Variants in STXBP5L observed in about 807,000 individuals in gnomAD.
STXBP5L encodes the protein syntaxin binding protein 5L.
A neutral mutation model predicts 144.5 loss-of-function variants in STXBP5L; 65 were observed. The observed-to-expected ratio is 0.45, with a 90% CI of 0.37 to 0.55. The LOEUF (loss-of-function observed/expected upper bound fraction) is 0.55, where lower values mean the gene tolerates loss of function less well. Ranked by LOEUF, STXBP5L falls within the 20% of genes least tolerant of loss-of-function variation. The pLI is 0.00. For missense variants in STXBP5L, 1,298 were observed against 1,405.5 expected, an observed-to-expected ratio of 0.92 and a Z score of 1.22; for synonymous variants, 505 against 469.6, an observed-to-expected ratio of 1.08 and a Z score of -0.97.
intron 3 of STXBP5L, among the ~76,000 whole-genome samples, chr3:121,025,781 C>T (rs576618501): frequency 6.6e-6 from 1 of 150,872 alleles, no homozygotes; most frequent in Non-Finnish European, 1.5e-5. Context: ...AAACATCCTA[C>T]TAAAACCAGC....
chr3:120,911,016 C>CT (rs1708806375), intron 2 of STXBP5L, among the ~76,000 whole-genome samples: 1 of 152,020 alleles, frequency 6.6e-6, no homozygotes, highest in African/African-American at 2.4e-5. Context: ...ATTTGAACTG[C>CT]TAGGCAGGGG....
intron 25 of STXBP5L, 141 bp from the exon 26 acceptor site, chr3:121,418,196 T>C: frequency 1.0e-6 from 1 of 955,712 alleles, no homozygotes; most frequent in East Asian, 2.7e-5. Flanking sequence ...TCCAAATACA[T>C]ATATGACTGG....
chr3:121,060,260 G>A (rs1039835844), intron 5 of STXBP5L, among the ~76,000 whole-genome samples: 1 of 152,100 alleles, frequency 6.6e-6, no homozygotes, highest in Non-Finnish European at 1.5e-5. Context: ...TTCTGTTTAT[G>A]TGATGGATTA....
chr3:121,207,228 G>T (rs553685723), intron 10 of STXBP5L, among the ~76,000 whole-genome samples: 95 of 152,156 alleles, frequency 6.2e-4, no homozygotes, highest in Non-Finnish European at 8.8e-4. Flanking sequence ...ACAAGAAATG[G>T]GGAAAGGATT....
At chr3:121,129,959 T>G (rs958248861) in intron 7 of STXBP5L, among the ~76,000 whole-genome samples, 2 of 152,124 alleles carry the variant, frequency 1.3e-5, no homozygotes, top group Admixed American at 1.3e-4. Flanking sequence ...GCAATTTTAC[T>G]TCCCCTAAGA....
chr3:120,966,037 A>G (rs1453746278), intron 3 of STXBP5L, among the ~76,000 whole-genome samples: 2 of 151,900 alleles, frequency 1.3e-5, no homozygotes, highest in Non-Finnish European at 2.9e-5. Flanking sequence ...TTGATCTTCC[A>G]TCACTGATAC....
chr3:121,090,399 T>C (rs550730926), intron 5 of STXBP5L, among the ~76,000 whole-genome samples: 1 of 152,194 alleles, frequency 6.6e-6, no homozygotes, highest in Admixed American at 6.5e-5. Context: ...AGAATAAGAG[T>C]ACCTCCTTAC....
At chr3:121,041,145 T>C (rs375012226) in intron 3 of STXBP5L, among the ~76,000 whole-genome samples, 391 of 152,030 alleles carry the variant, frequency 2.6e-3, no homozygotes, top group Non-Finnish European at 3.9e-3. Context: ...AGATGACTTG[T>C]TACCATTTAT....
intron 20 of STXBP5L, among the ~76,000 whole-genome samples, chr3:121,347,642 C>G (rs142485750): frequency 0.013 from 2,032 of 152,100 alleles, 26 homozygotes; most frequent in Non-Finnish European, 0.017. Context: ...CTTGAGCAGT[C>G]ATTTGTAGTT....
At chr3:121,352,284 A>G (rs2045321003) in intron 20 of STXBP5L, among the ~76,000 whole-genome samples, 2 of 152,210 alleles carry the variant, frequency 1.3e-5, no homozygotes, top group South Asian at 4.1e-4. Flanking sequence ...CAGTATGGCC[A>G]TTTTCACGAT....
At chr3:121,388,618 G>A (rs1487064707) in intron 22 of STXBP5L, among the ~76,000 whole-genome samples, 1 of 152,160 alleles carries the variant, frequency 6.6e-6, no homozygotes, top group African/African-American at 2.4e-5. Flanking sequence ...GTTGAATTTT[G>A]TTGAAGGCCT....
In STXBP5L at chr3:121,069,827, C is replaced by A. The variant is rs72970628; in HGVS notation, c.470+24292C>A. ...TTCTTCTACTATGGATGTCCAATTG[C>A]TCCAGCAGTATTTGTTGAAGACGAT... On this transcript the variant is annotated intron_variant, in intron 5 of 26. Coordinates refer to ENST00000471454, the MANE Select transcript of STXBP5L (RefSeq NM_001308330.2). Among the ~76,000 whole-genome samples the A allele has an allele frequency of 2.5e-3, 382 of 152,162 alleles. 2 individuals carry two copies. Among genetic ancestry groups the A allele is most frequent in the African/African-American group, 8.6e-3 (358 of 41,514 alleles).
chr3:121,139,552 T>C (rs2045407693), intron 7 of STXBP5L, among the ~76,000 whole-genome samples: 1 of 152,044 alleles, frequency 6.6e-6, no homozygotes, highest in Non-Finnish European at 1.5e-5. Context: ...CTCTTAACAA[T>C]CACACTATAA....
At chr3:121,116,516 C>T (rs944699054) in intron 6 of STXBP5L, among the ~76,000 whole-genome samples, 3 of 152,030 alleles carry the variant, frequency 2.0e-5, no homozygotes, top group Admixed American at 2.0e-4. Context: ...GTTCTTCATA[C>T]TTGGCTTATT....
At chr3:121,298,075 G>C (rs961578405) in intron 19 of STXBP5L, among the ~76,000 whole-genome samples, 1 of 152,106 alleles carries the variant, frequency 6.6e-6, no homozygotes, top group Non-Finnish European at 1.5e-5. Context: ...CATCTCAGCT[G>C]TACCATTTTA....
chr3:121,037,101 A>G (rs1042753728), intron 3 of STXBP5L, among the ~76,000 whole-genome samples: 1 of 151,704 alleles, frequency 6.6e-6, no homozygotes, highest in Admixed American at 6.6e-5. Context: ...TAATTTTTCA[A>G]AAATCTTATC....
chr3:121,311,771 G>C (rs962039946), intron 19 of STXBP5L, among the ~76,000 whole-genome samples: 1 of 152,134 alleles, frequency 6.6e-6, no homozygotes, highest in African/African-American at 2.4e-5. Context: ...TATTGCCCAA[G>C]GTAATTTATA....
intron 5 of STXBP5L, among the ~76,000 whole-genome samples, chr3:121,048,434 T>C (rs1348988887): frequency 6.6e-6 from 1 of 152,146 alleles, no homozygotes; most frequent in Non-Finnish European, 1.5e-5. Flanking sequence ...TATTCTGAAA[T>C]ATATTTTCCA....
At chr3:121,153,062 A>G (rs958273934) in intron 8 of STXBP5L, among the ~76,000 whole-genome samples, 1 of 152,080 alleles carries the variant, frequency 6.6e-6, no homozygotes, top group African/African-American at 2.4e-5. Flanking sequence ...GTAAATAGTA[A>G]TACTTATTAA....
Sources: allele counts gnomAD v4.1 joint callset (sites outside exome capture counted in the v4.1 genomes callset), GRCh38; gene constraint gnomAD v4.1.1; transcripts MANE v1.5; gene names NCBI Gene and HGNC (gene_info 2026-07-23, HGNC 2026-07-21).